The following RFFL variants were observed in gnomAD, a reference collection of about 807,000 sequenced individuals.
RFFL encodes E3 ubiquitin-protein ligase rififylin.
RFFL carries 16 observed loss-of-function variants against 40.4 expected under a neutral mutation model. That is an observed-to-expected ratio of 0.40 (90% CI 0.27 to 0.60). The LOEUF is 0.60. Ranked by LOEUF, RFFL falls within the 20% of genes least tolerant of loss-of-function variation. The pLI, the probability that RFFL is intolerant of heterozygous loss-of-function variation, is 0.47. For missense variants in RFFL, 367 were observed against 451.7 expected, an observed-to-expected ratio of 0.81 and a Z score of 1.70; for synonymous variants, 154 against 167.9, an observed-to-expected ratio of 0.92 and a Z score of 0.64.
chr17:35,020,575 A>G (rs2091002397), intron 3 of RFFL, among the ~76,000 whole-genome samples: 1 of 151,758 alleles, frequency 6.6e-6, no homozygotes, highest in African/African-American at 2.4e-5. Context: ...GGTGCCAAAA[A>G]GGTTAGGGGC....
intron 1 of RFFL, among the ~76,000 whole-genome samples, chr17:35,083,855 T>C (rs1489925331): frequency 3.3e-5 from 5 of 151,400 alleles, no homozygotes; most frequent in African/African-American, 1.2e-4. Flanking sequence ...GGGCCTGATG[T>C]ACAGGAGATA....
chr17:35,026,600 G>C, intron 1 of RFFL, 39 bp from the exon 2 acceptor site: 1 of 1,537,556 alleles, frequency 6.5e-7, no homozygotes, highest in South Asian at 1.2e-5. Context: ...TCAGAGTTAA[G>C]ACACACCTCT....
At chr17:35,012,798 C>T (rs1029898527) in intron 6 of RFFL, among the ~76,000 whole-genome samples, 1 of 152,210 alleles carries the variant, frequency 6.6e-6, no homozygotes, top group South Asian at 2.1e-4. Context: ...CTGCTTATCA[C>T]ATTGGATTAA....
chr17:35,023,449 C>T (rs895569318), intron 2 of RFFL, among the ~76,000 whole-genome samples: 1 of 152,234 alleles, frequency 6.6e-6, no homozygotes, highest in East Asian at 1.9e-4. Flanking sequence ...CAGTTATAAC[C>T]AAACAATACT....
chr17:35,025,834 A>G (rs966817829), intron 2 of RFFL, among the ~76,000 whole-genome samples: 1 of 152,198 alleles, frequency 6.6e-6, no homozygotes, highest in Non-Finnish European at 1.5e-5. Context: ...GCTCCCAAGC[A>G]TTTCAAATGA....
chr17:35,066,322 T>C (rs1454139832), upstream of RFFL, among the ~76,000 whole-genome samples: 1 of 152,164 alleles, frequency 6.6e-6, no homozygotes, highest in East Asian at 1.9e-4. Context: ...TTTTCTGCAA[T>C]AGATCTTGAC....
At chr17:35,019,455 C>A (rs2090994719) in intron 3 of RFFL, among the ~76,000 whole-genome samples, 1 of 152,142 alleles carries the variant, frequency 6.6e-6, no homozygotes, top group South Asian at 2.1e-4. Context: ...TCATGGTTCA[C>A]TGCAGCCTCG....
chr17:35,050,202 C>T (rs1347727102), intron 1 of RFFL, among the ~76,000 whole-genome samples: 3 of 151,952 alleles, frequency 2.0e-5, no homozygotes, highest in Admixed American at 2.0e-4. Context: ...ACTGTGATTG[C>T]ACCACTGCAC....
chr17:35,021,400 G>T lies in RFFL; in HGVS notation c.562C>A (p.Pro188Thr). The T allele has an allele frequency of 6.6e-7, 1 of 1,524,750 alleles. No homozygotes were observed. The highest frequency in any genetic ancestry group is 8.8e-7 in the Non-Finnish European group (1 of 1,138,868). The allele number at this position is 1,524,750 out of a possible 1,614,324, so 94.5% of individuals were successfully genotyped here. Residue 188 changes from proline (P) to threonine (T), a missense_variant, in exon 3 of 7, where the codon CCC becomes ACC. Coordinates refer to ENST00000394597, the MANE Select transcript of RFFL (RefSeq NM_001017368.2). ...TGATTCTCCTGAACCTGGGCTGGGG[G>T]AACAGAGGTGGCTTGTGCAGATGAA... The part of the protein sequence containing the change: ...PSSSAQATSV[P>T]PAQVQENQQA...
chr17:35,050,830 G>A (rs1455358963), intron 1 of RFFL, among the ~76,000 whole-genome samples: 19 of 152,194 alleles, frequency 1.2e-4, no homozygotes, highest in Non-Finnish European at 1.5e-5. Context: ...GAATTTGCCA[G>A]GTGTGATGGC....
intron 1 of RFFL, among the ~76,000 whole-genome samples, chr17:35,039,867 G>C (rs1218211904): frequency 6.6e-6 from 1 of 151,828 alleles, no homozygotes; most frequent in East Asian, 2.0e-4. Flanking sequence ...AGTAGAGACG[G>C]CTTCTCCATG....
At chr17:35,089,102 C>T (rs896644523) in intron 1 of RFFL, 2 of 152,830 alleles carry the variant, frequency 1.3e-5, no homozygotes, top group African/African-American at 4.8e-5. Flanking sequence ...GCCGCCTCCT[C>T]ACCTGCTGCG....
chr17:35,062,169 C>T (rs1355850485), intron 1 of RFFL, among the ~76,000 whole-genome samples: 1 of 151,754 alleles, frequency 6.6e-6, no homozygotes, highest in Non-Finnish European at 1.5e-5. Flanking sequence ...CTTTGGGAGG[C>T]CAAGGCAGGT....
At chr17:35,075,263 T>C (rs149209761) in intron 1 of RFFL, among the ~76,000 whole-genome samples, 112 of 152,352 alleles carry the variant, frequency 7.4e-4, no homozygotes, top group African/African-American at 2.5e-3. Context: ...CTCTTATCCT[T>C]AGCTAAAAAG....
intron 1 of RFFL, among the ~76,000 whole-genome samples, chr17:35,047,928 T>C (rs966185873): frequency 5.3e-5 from 8 of 151,816 alleles, no homozygotes; most frequent in African/African-American, 1.7e-4. Context: ...ATTTTTGTAT[T>C]TTTAGTAGAG....
chr17:35,078,775 T>G (rs990912216), intron 1 of RFFL, among the ~76,000 whole-genome samples: 2 of 151,694 alleles, frequency 1.3e-5, no homozygotes, highest in Non-Finnish European at 2.9e-5. Context: ...AGGTCAGGAG[T>G]TCGACACCAG....
At position 35,068,950 on chromosome 17, in the gene RFFL, T is replaced by C. The variant is rs1356330952; in HGVS notation, c.-9+20155A>G. ...CTATTTCTTAGTTTTCTGTTTTTTT[T>C]CCCTGAGCAGCTAATACAGTAGAAG... On this transcript the variant is annotated intron_variant, in intron 1 of 6. Transcript: ENST00000315249. 2.6e-5 allele frequency among the ~76,000 whole-genome samples: 4 copies of C among 152,274 alleles called. No individual in the cohort carries two copies. The East Asian group carries it at 5.8e-4, about 22-fold the overall frequency.
chr17:35,020,587 G>T (rs531286290), intron 3 of RFFL, among the ~76,000 whole-genome samples: 1 of 151,960 alleles, frequency 6.6e-6, no homozygotes, highest in East Asian at 1.9e-4. Context: ...GTTAGGGGCC[G>T]CTGCTATAAA....
rs1179141805 is a variant in RFFL, at chr17:35,012,051, A to G, written c.1009T>C (p.Cys337Arg). 1 of 1,614,104 alleles carries G rather than the reference A, an allele frequency of 6.2e-7. No homozygotes were observed. The highest frequency in any genetic ancestry group is 1.7e-5 in the Admixed American group (1 of 60,028). Residue 337 changes from cysteine (C) to arginine (R), a missense_variant, in exon 7 of 7, where the codon TGT becomes CGT. Cys to Arg is a radical substitution (Grantham distance 180). Coordinates refer to ENST00000394597, the MANE Select transcript of RFFL (RefSeq NM_001017368.2). ...TTCATGCGCTTGCCACACTTGGTAC[A>G]GGTTACCATGTGGCCACACTCCAGA... ...VLLECGHMVT[C>R]TKCGKRMNEC...
Sources: gnomAD v4.1 joint callset for allele counts (sites outside exome capture counted in the v4.1 genomes callset) on GRCh38, gnomAD v4.1.1 for gene constraint, MANE v1.5 for transcripts, NCBI Gene and HGNC (gene_info 2026-07-23, HGNC 2026-07-21) for gene names.